The following AP1G1 variants were observed in gnomAD, a reference collection of about 807,000 sequenced individuals.
AP1G1 encodes the protein AP-1 complex subunit gamma-1.
A neutral mutation model predicts 108.3 loss-of-function variants in AP1G1; 7 were observed. That is an observed-to-expected ratio of 0.06 (90% CI 0.04 to 0.12). AP1G1 has a LOEUF of 0.12. AP1G1 is among the 10% of genes least tolerant of loss of function. AP1G1 has a pLI of 1.00. For missense variants in AP1G1, 756 were observed against 1,010.7 expected, an observed-to-expected ratio of 0.75 and a Z score of 3.42; for synonymous variants, 379 against 353.5, an observed-to-expected ratio of 1.07 and a Z score of -0.81.
intron 4 of AP1G1, 57 bp from the exon 5 acceptor site, chr16:71,771,309 A>T (rs1446498879): frequency 1.5e-5 from 15 of 1,025,830 alleles, no homozygotes; most frequent in Non-Finnish European, 2.1e-5. Flanking sequence ...CAGGGCAACC[A>T]ATCTTATTAA....
chr16:71,755,892 C>T lies in AP1G1; in HGVS notation c.1229+127G>A, dbSNP rs940512614. On this transcript the variant is annotated intron_variant, in intron 12 of 22. Coordinates refer to ENST00000299980, the MANE Select transcript of AP1G1 (RefSeq NM_001128.6). ...AACTCCTGACTTCATGATCCACCTG[C>T]CTTGGCCTCCCAAACTGCTGAGACT... The T allele has an allele frequency of 3.2e-5, 31 of 975,900 alleles. No homozygotes were observed. In the South Asian group the frequency reaches 4.7e-4, roughly 15 times the overall value. The allele number at this position is 975,900 out of a possible 1,614,324, so 60.5% of individuals were successfully genotyped here.
At chr16:71,765,454 T>A in intron 7 of AP1G1, 35 bp downstream of exon 7, 1 of 1,461,270 alleles carries the variant, frequency 6.8e-7, no homozygotes, top group Non-Finnish European at 9.5e-7. Flanking sequence ...ATTAAATTCA[T>A]ATAACATTTA....
intron 1 of AP1G1, chr16:71,808,410 C>CGGGGGT (rs2033074738): frequency 1.8e-6 from 2 of 1,098,602 alleles, no homozygotes; most frequent in South Asian, 1.6e-5. Context: ...AGAAGACACG[C>CGGGGGT]GGGGGTGGGG....
chr16:71,794,922 T>G (rs2032533932), intron 1 of AP1G1, among the ~76,000 whole-genome samples: 1 of 149,702 alleles, frequency 6.7e-6, no homozygotes, highest in African/African-American at 2.5e-5. Context: ...AGATCTTCAT[T>G]TGCCTTGTTC....
chr16:71,776,129 A>G (rs2031773199), intron 2 of AP1G1, among the ~76,000 whole-genome samples: 1 of 152,242 alleles, frequency 6.6e-6, no homozygotes, highest in African/African-American at 2.4e-5. Context: ...ACAGGAAGCT[A>G]AAATCACGTG....
intron 1 of AP1G1, among the ~76,000 whole-genome samples, chr16:71,799,889 G>C (rs1255247771): frequency 6.9e-6 from 1 of 145,208 alleles, no homozygotes; most frequent in Non-Finnish European, 1.5e-5. Flanking sequence ...ACAGAGCGAG[G>C]TTCCATCTTA....
chr16:71,802,003 G>A (rs2032819683), intron 1 of AP1G1, among the ~76,000 whole-genome samples: 1 of 151,044 alleles, frequency 6.6e-6, no homozygotes, highest in Non-Finnish European at 1.5e-5. Flanking sequence ...GGATGTACAA[G>A]TGGTGTAACG....
chr16:71,807,935 T>C (rs2033052547), intron 1 of AP1G1: 3 of 1,265,820 alleles, frequency 2.4e-6, no homozygotes, highest in Middle Eastern at 2.2e-4. Flanking sequence ...AATCCACATA[T>C]GAGAAAACAT....
At chr16:71,800,676 C>G (rs1451214504) in intron 1 of AP1G1, among the ~76,000 whole-genome samples, 1 of 151,886 alleles carries the variant, frequency 6.6e-6, no homozygotes, top group Non-Finnish European at 1.5e-5. Context: ...TGGTGGGTGC[C>G]TGTAGTCCCA....
chr16:71,807,747 C>T, intron 1 of AP1G1: 1 of 1,179,576 alleles, frequency 8.5e-7, no homozygotes, highest in Non-Finnish European at 1.1e-6. Flanking sequence ...GCACTAACTC[C>T]TCCCTTCTGT....
At chr16:71,787,263 G>C (rs1450878826) in intron 2 of AP1G1, among the ~76,000 whole-genome samples, 1 of 148,264 alleles carries the variant, frequency 6.7e-6, no homozygotes. Context: ...AGGTTGAAGT[G>C]AGCCGAGATC....
intron 5 of AP1G1, among the ~76,000 whole-genome samples, 167 bp downstream of exon 5, chr16:71,770,989 T>TATGTG (rs1158422122): frequency 1.3e-5 from 2 of 152,142 alleles, no homozygotes; most frequent in Non-Finnish European, 2.9e-5. Context: ...AAAACTAGGA[T>TATGTG]ATGTGAGTGG....
At chr16:71,794,207 C>T (rs1396186052) in intron 1 of AP1G1, among the ~76,000 whole-genome samples, 1 of 152,192 alleles carries the variant, frequency 6.6e-6, no homozygotes, top group Non-Finnish European at 1.5e-5. Flanking sequence ...CCATCAAAGA[C>T]TGAGAAAGGT....
At chr16:71,759,136 A>G (rs1246740587) in intron 10 of AP1G1, among the ~76,000 whole-genome samples, 1 of 152,184 alleles carries the variant, frequency 6.6e-6, no homozygotes, top group Non-Finnish European at 1.5e-5. Context: ...TGGATTTTAG[A>G]TTTGTATTCA....
intron 5 of AP1G1, among the ~76,000 whole-genome samples, chr16:71,769,963 A>G (rs1296548899): frequency 6.6e-6 from 1 of 152,222 alleles, no homozygotes. Context: ...ACCAATACAT[A>G]TGTCTCTCCA....
Position 71,773,250 on chromosome 16 carries a change from T to C in AP1G1, c.439A>G (p.Lys147Glu). ...DLAGEVEKLL[K>E]TSNSYLRKKA... ...TTTCTTAAGTAAGAGTTGGAGGTTT[T>C]CAGGAGCTTCTCTACCTCTCCTGCA... The change falls in exon 4 of 23, where the codon AAA (lysine) becomes GAA (glutamate). Residue 147 changes from lysine (K) to glutamate (E), a missense_variant. This residue lies in a region of AP1G1 where 304 missense variants were observed against 483.6 expected (regional missense o/e 0.63). Transcript: ENST00000299980. The C allele has an allele frequency of 6.2e-7, 1 of 1,613,764 alleles. No homozygotes were observed. Among genetic ancestry groups the C allele is most frequent in the East Asian group, 2.2e-5 (1 of 44,878 alleles).
chr16:71,787,713 T>C (rs1169327708), intron 2 of AP1G1, among the ~76,000 whole-genome samples: 2 of 152,242 alleles, frequency 1.3e-5, no homozygotes, highest in African/African-American at 4.8e-5. Flanking sequence ...TGCTTTATAC[T>C]ATGACACACA....
chr16:71,758,754 C>A (rs1039453996), intron 11 of AP1G1, 54 bp downstream of exon 11: 1 of 1,038,360 alleles, frequency 9.6e-7, no homozygotes, highest in Non-Finnish European at 1.5e-6. Flanking sequence ...TATCAATAAT[C>A]TGTCACTCAA....
chr16:71,799,755 G>T (rs7204118), intron 1 of AP1G1, among the ~76,000 whole-genome samples: 1 of 151,852 alleles, frequency 6.6e-6, no homozygotes, highest in Admixed American at 6.6e-5. Context: ...GAAAATTAGC[G>T]GGGTGTGGTG....
Sources: gnomAD v4.1 joint callset for allele counts (sites outside exome capture counted in the v4.1 genomes callset) on GRCh38, gnomAD v4.1.1 for gene constraint, gnomAD v4.1.1 regional missense constraint, MANE v1.5 for transcripts, NCBI Gene and HGNC (gene_info 2026-07-23, HGNC 2026-07-21) for gene names.